The following SYT1 variants were observed in gnomAD, a reference collection of about 807,000 sequenced individuals.
SYT1 encodes the protein synaptotagmin-1.
A neutral mutation model predicts 44.8 loss-of-function variants in SYT1; 8 were observed. That is an observed-to-expected ratio of 0.18 (90% CI 0.10 to 0.32). The LOEUF (loss-of-function observed/expected upper bound fraction) is 0.32. Ranked by LOEUF, SYT1 falls within the 10% of genes least tolerant of loss-of-function variation. The pLI is 1.00. For synonymous variants in SYT1, 154 were observed against 188.8 expected, an observed-to-expected ratio of 0.82 and a Z score of 1.51; for missense variants, 286 against 509.3, an observed-to-expected ratio of 0.56 and a Z score of 4.22.
At chr12:79,083,343 C>T (rs1406425588) in intron 3 of SYT1, among the ~76,000 whole-genome samples, 1 of 152,072 alleles carries the variant, frequency 6.6e-6, no homozygotes, top group Non-Finnish European at 1.5e-5. Context: ...CTTCAAAACA[C>T]CTGGTGAATT....
At chr12:79,007,687 C>T (rs534664282) in intron 2 of SYT1, among the ~76,000 whole-genome samples, 7 of 152,110 alleles carry the variant, frequency 4.6e-5, no homozygotes, top group African/African-American at 1.4e-4. Context: ...TGTTCCCATA[C>T]GTCAACCTTC....
intron 1 of SYT1, among the ~76,000 whole-genome samples, chr12:78,876,647 A>G (rs1874095760): frequency 7.7e-6 from 1 of 129,138 alleles, no homozygotes; most frequent in African/African-American, 3.0e-5. Flanking sequence ...ACACATATGT[A>G]TATACACACG....
chr12:79,430,461 G>A (rs1328568000), intron 9 of SYT1, among the ~76,000 whole-genome samples: 1 of 152,196 alleles, frequency 6.6e-6, no homozygotes, highest in East Asian at 1.9e-4. Context: ...GCTGTTTTCT[G>A]TATGCCTTCA....
intron 9 of SYT1, among the ~76,000 whole-genome samples, chr12:79,377,287 A>G (rs1164753036): frequency 1.3e-5 from 2 of 151,736 alleles, no homozygotes; most frequent in Non-Finnish European, 2.9e-5. Context: ...AATTTTTTGT[A>G]TTTTCAGTAG....
chr12:79,428,562 A>G (rs1404283729), intron 9 of SYT1, among the ~76,000 whole-genome samples: 1 of 152,128 alleles, frequency 6.6e-6, no homozygotes, highest in Admixed American at 6.5e-5. Flanking sequence ...AGTGTCCTCA[A>G]ATGTATATGT....
At chr12:79,109,841 A>C (rs1228830038) in intron 3 of SYT1, among the ~76,000 whole-genome samples, 1 of 152,146 alleles carries the variant, frequency 6.6e-6, no homozygotes, top group Non-Finnish European at 1.5e-5. Flanking sequence ...TTTAAAAGTA[A>C]ATTCCAACCA....
At chr12:79,417,705 T>C (rs1393605407) in intron 9 of SYT1, among the ~76,000 whole-genome samples, 1 of 152,102 alleles carries the variant, frequency 6.6e-6, no homozygotes, top group East Asian at 1.9e-4. Context: ...TACCCTATGC[T>C]CCAGCAGTAA....
chr12:78,924,253 T>A (rs1468053208), intron 1 of SYT1, among the ~76,000 whole-genome samples: 1 of 151,944 alleles, frequency 6.6e-6, no homozygotes, highest in Non-Finnish European at 1.5e-5. Flanking sequence ...TAAGGTGCTG[T>A]CTATCAGAAT....
intron 9 of SYT1, among the ~76,000 whole-genome samples, chr12:79,372,898 A>ATG (rs1883849780): frequency 6.6e-6 from 1 of 152,164 alleles, no homozygotes; most frequent in Non-Finnish European, 1.5e-5. Flanking sequence ...GGCACCTGAA[A>ATG]TTCAGTCAAT....
intron 3 of SYT1, among the ~76,000 whole-genome samples, chr12:79,147,131 G>A (rs1259596015): frequency 6.6e-6 from 1 of 152,122 alleles, no homozygotes; most frequent in East Asian, 1.9e-4. Context: ...GAGCCACCGT[G>A]CCCGGCCAGC....
At chr12:79,257,543 A>G (rs958253587) in intron 4 of SYT1, among the ~76,000 whole-genome samples, 1 of 152,166 alleles carries the variant, frequency 6.6e-6, no homozygotes, top group Non-Finnish European at 1.5e-5. Context: ...TGCGGACTGC[A>G]GTGGCGCAAT....
chr12:79,285,831 T>A lies in SYT1; in HGVS notation c.211T>A (p.Leu71Ile), dbSNP rs758543892. 1 of 1,612,956 alleles carries A rather than the reference T, an allele frequency of 6.2e-7. No homozygotes were observed. Among genetic ancestry groups the A allele is most frequent in the Non-Finnish European group, 8.5e-7 (1 of 1,179,738 alleles). Residue 71 changes from leucine to isoleucine, a missense_variant, in exon 5 of 11, where the codon TTA becomes ATA. By Grantham distance (5) the Leu-to-Ile change is conservative. Around this residue, in one of 6 missense-constraint regions of SYT1, gnomAD observed 141 missense variants for 165.7 expected, o/e 0.85. Transcript: ENST00000261205. ...LIAIAIVAVL[L>I]VLTCCFCICK... ...TGCAATAGCCATAGTCGCAGTCCTT[T>A]TAGTCCTGACCTGCTGCTTTTGTAT...
At chr12:78,951,809 C>T (rs1878981819) in intron 1 of SYT1, among the ~76,000 whole-genome samples, 1 of 152,120 alleles carries the variant, frequency 6.6e-6, no homozygotes, top group South Asian at 2.1e-4. Context: ...TAATCGCAAC[C>T]TCCGTGCAGC....
At chr12:78,911,008 G>C (rs1017769869) in intron 1 of SYT1, among the ~76,000 whole-genome samples, 4 of 151,978 alleles carry the variant, frequency 2.6e-5, no homozygotes, top group African/African-American at 9.7e-5. Context: ...TTTAGATTAT[G>C]GTGAGATTTT....
chr12:78,942,661 T>C (rs1417872090), intron 1 of SYT1, among the ~76,000 whole-genome samples: 4 of 152,270 alleles, frequency 2.6e-5, no homozygotes, highest in African/African-American at 9.6e-5. Context: ...AGTACCAGCT[T>C]ACTGTATTAG....
At chr12:78,913,656 CT>C (rs1161348301) in intron 1 of SYT1, among the ~76,000 whole-genome samples, 1 of 151,724 alleles carries the variant, frequency 6.6e-6, no homozygotes, top group Non-Finnish European at 1.5e-5. Flanking sequence ...TTTGTTTATG[CT>C]TTGCTTGATT....
intron 8 of SYT1, among the ~76,000 whole-genome samples, chr12:79,344,195 T>A (rs1882501501): frequency 6.6e-6 from 1 of 152,198 alleles, no homozygotes; most frequent in African/African-American, 2.4e-5. Flanking sequence ...CTGAACTTCC[T>A]GTTTCAAATT....
At chr12:79,127,607 G>C (rs557965247) in intron 3 of SYT1, among the ~76,000 whole-genome samples, 1 of 151,908 alleles carries the variant, frequency 6.6e-6, no homozygotes, top group East Asian at 1.9e-4. Context: ...TTGTCTTAAG[G>C]CCTGAGCAGA....
At chr12:79,199,972 T>C (rs1873683034) in intron 3 of SYT1, among the ~76,000 whole-genome samples, 1 of 152,048 alleles carries the variant, frequency 6.6e-6, no homozygotes, top group Non-Finnish European at 1.5e-5. Context: ...TTTAAGAAAA[T>C]ATGTTTAAGA....
Sources: gnomAD v4.1 joint callset for allele counts (sites outside exome capture counted in the v4.1 genomes callset) on GRCh38, gnomAD v4.1.1 for gene constraint, gnomAD v4.1.1 regional missense constraint, MANE v1.5 for transcripts, NCBI Gene and HGNC (gene_info 2026-07-23, HGNC 2026-07-21) for gene names.